The following POR variants were observed in gnomAD, a reference collection of about 807,000 sequenced individuals.
The protein encoded by POR is cytochrome p450 oxidoreductase.
POR carries 56 observed loss-of-function variants against 84.0 expected under a neutral mutation model. The ratio of observed to expected loss-of-function variants is 0.67; its 90% CI spans 0.54 to 0.83. The LOEUF (loss-of-function observed/expected upper bound fraction) is 0.83. POR is among the 40% of genes least tolerant of loss of function. The pLI, the probability that POR is intolerant of heterozygous loss-of-function variation, is 0.00. For synonymous variants in POR, 414 were observed against 400.5 expected (o/e 1.03, Z -0.40); for missense variants, 938 against 944.3 (o/e 0.99, Z 0.09).
chr7:75,952,981 T>TGGA (rs1787515550), intron 1 of POR, among the ~76,000 whole-genome samples: 2 of 149,814 alleles, frequency 1.3e-5, no homozygotes, highest in Admixed American at 1.3e-4. Flanking sequence ...GGCTGGGAGG[T>TGGA]GGTTGTAGCG....
At chr7:75,969,974 A>G (rs1469387697) in intron 2 of POR, among the ~76,000 whole-genome samples, 1 of 152,184 alleles carries the variant, frequency 6.6e-6, no homozygotes, top group Non-Finnish European at 1.5e-5. Flanking sequence ...CGTGAGGGGC[A>G]GGGACGGCCT....
chr7:75,938,111 C>G (rs1246571629), intron 1 of POR, among the ~76,000 whole-genome samples: 3 of 152,212 alleles, frequency 2.0e-5, no homozygotes, highest in Non-Finnish European at 2.9e-5. Context: ...CCCAGTCACG[C>G]TTGCACAGAT....
chr7:75,984,442 C>T (rs922033571), intron 10 of POR, among the ~76,000 whole-genome samples: 5 of 152,210 alleles, frequency 3.3e-5, no homozygotes, highest in African/African-American at 1.2e-4. Context: ...CCCTTACTGT[C>T]GGCTTCCACA....
At chr7:75,946,871 CG>C (rs1216319821) in intron 1 of POR, 1 of 152,146 alleles carries the variant, frequency 6.6e-6, no homozygotes, top group Admixed American at 6.5e-5. Flanking sequence ...CTGCCTGACC[CG>C]GAAGAGAGTT....
rs2116216844 is a variant in POR, at chr7:75,923,058, G to T, written c.-5+7879G>T. On this transcript the variant is annotated intron_variant, in intron 1 of 15. Transcript: ENST00000461988. ...AAAGGATTGATGGTGTGAGTTTACT[G>T]GTGCGGAGAGCCATTGCAAGACTTA... The T allele has an allele frequency of 5.9e-6, 4 of 683,144 alleles. 1 individual carries two copies. The highest frequency in any genetic ancestry group is 3.1e-5 in the South Asian group (2 of 63,728). 42.3% of individuals were successfully genotyped at this position (683,144 alleles called of 1,614,324 possible). A position where few individuals can be genotyped will look rare whatever the true frequency, so the allele number is the denominator to read the frequency against.
rs72557913 is a variant in POR at position 75,981,062 on chromosome 7, G to C, written c.531G>C (p.Gly177=). ...TGTCCACGCAGGTGTTTGGTCTTGG[G>C]AACAAGACCTACGAGCACTTCAATG... The change falls in exon 6 of 16, where the codon GGG becomes GGC. Residue 177 remains glycine (G), a synonymous_variant. Coordinates refer to ENST00000461988, the MANE Select transcript of POR (RefSeq NM_000941.3). 2.5e-6 allele frequency: 4 copies of C among 1,576,126 alleles called. No homozygotes were observed. The South Asian group carries it at 3.5e-5, about 14-fold the overall frequency.
intron 2 of POR, among the ~76,000 whole-genome samples, chr7:75,960,197 G>A (rs1340353623): frequency 1.3e-5 from 2 of 152,014 alleles, no homozygotes; most frequent in Non-Finnish European, 2.9e-5. Flanking sequence ...AGGCTGAGGT[G>A]AGAGGATCAC....
chr7:75,952,512 C>T (rs782488368), intron 1 of POR, among the ~76,000 whole-genome samples: 10 of 152,072 alleles, frequency 6.6e-5, no homozygotes, highest in Non-Finnish European at 1.3e-4. Flanking sequence ...GGAGACGCTC[C>T]TCACTTCCCA....
At chr7:75,915,207 G>A (rs887877274) in intron 1 of POR, 28 bp downstream of exon 1, 9 of 154,420 alleles carry the variant, frequency 5.8e-5, no homozygotes, top group African/African-American at 1.9e-4. Context: ...CGGCGACGGC[G>A]GGGTGGGTGA....
In POR at chr7:75,983,585, C is replaced by A; in HGVS notation, c.896C>A (p.Thr299Asn). The change falls in exon 9 of 16, where the codon ACC becomes AAC. Residue 299 changes from threonine (T) to asparagine (N), a missense_variant. Physicochemically the swap from Thr to Asn is moderately conservative, Grantham distance 65 (BLOSUM62 0). Transcript: ENST00000461988. Reference sequence around the variant, plus strand: ...ACCAACCGGAAGCTGAACCAGGGAACCGAGCGCCACCTCATGCACCTGGAA... The same window carrying A: ...ACCAACCGGAAGCTGAACCAGGGAAACGAGCGCCACCTCATGCACCTGGAA... 1 of 1,613,140 alleles carries A rather than the reference C, an allele frequency of 6.2e-7. No individual in the cohort carries two copies. Among genetic ancestry groups the A allele is most frequent in the Admixed American group, 1.7e-5 (1 of 60,016 alleles).
chr7:75,940,751 T>G (rs554824823), intron 1 of POR, among the ~76,000 whole-genome samples: 39 of 149,940 alleles, frequency 2.6e-4, no homozygotes, highest in Non-Finnish European at 4.9e-4. Context: ...GCCACTGTAC[T>G]CCAGCCTGGA....
chr7:75,941,783 G>C (rs1423216085), intron 1 of POR, among the ~76,000 whole-genome samples: 1 of 152,174 alleles, frequency 6.6e-6, no homozygotes, highest in African/African-American at 2.4e-5. Flanking sequence ...TTTGAGACCA[G>C]CCTGGGCAAC....
intron 2 of POR, among the ~76,000 whole-genome samples, chr7:75,954,665 G>C (rs913406875): frequency 6.6e-6 from 1 of 151,256 alleles, no homozygotes; most frequent in Non-Finnish European, 1.5e-5. Context: ...TCAGCCTCCC[G>C]AGTAGCTGGG....
chr7:75,960,345 A>G (rs1787884401), intron 2 of POR, among the ~76,000 whole-genome samples: 1 of 151,446 alleles, frequency 6.6e-6, no homozygotes, highest in African/African-American at 2.4e-5. Context: ...TTTCACGTCC[A>G]CTCCCACTCA....
intron 2 of POR, among the ~76,000 whole-genome samples, chr7:75,966,326 T>C (rs1788181176): frequency 6.6e-6 from 1 of 152,094 alleles, no homozygotes; most frequent in African/African-American, 2.4e-5. Flanking sequence ...CTGGCTTCTG[T>C]CTGAGCTCCA....
chr7:75,973,988 T>A (rs1171341924), intron 3 of POR, among the ~76,000 whole-genome samples: 1 of 148,800 alleles, frequency 6.7e-6, no homozygotes, highest in Non-Finnish European at 1.5e-5. Context: ...GACCTTGCTT[T>A]AAAAAAAAAA....
chr7:75,982,253 C>T lies in POR; in HGVS notation c.761C>T (p.Thr254Ile). 1 of 1,612,662 alleles carries T rather than the reference C, an allele frequency of 6.2e-7. No individual in the cohort carries two copies. Among genetic ancestry groups the T allele is most frequent in the Non-Finnish European group, 8.5e-7 (1 of 1,179,506 alleles). ...CGCCAGTACGAGCTTGTGGTCCACA[C>T]CGACATAGATGCGGCCAAGGTGTAC... Residue 254 changes from threonine (T) to isoleucine (I), a missense_variant, in exon 8 of 16, where the codon ACC becomes ATC. Coordinates refer to ENST00000461988, the MANE Select transcript of POR (RefSeq NM_000941.3).
chr7:75,926,418 G>A (rs986844067), intron 1 of POR, among the ~76,000 whole-genome samples: 4 of 152,314 alleles, frequency 2.6e-5, no homozygotes, highest in Admixed American at 2.6e-4. Flanking sequence ...ACTCCTGGCT[G>A]AAGGGCCAGT....
intron 2 of POR, among the ~76,000 whole-genome samples, chr7:75,954,862 C>T (rs540223091): frequency 6.6e-6 from 1 of 152,202 alleles, no homozygotes; most frequent in African/African-American, 2.4e-5. Context: ...TGCCCGCCAC[C>T]ACGCCTGGCT....
Sources: allele counts gnomAD v4.1 joint callset (sites outside exome capture counted in the v4.1 genomes callset), GRCh38; gene constraint gnomAD v4.1.1; transcripts MANE v1.5; gene names NCBI Gene and HGNC (gene_info 2026-07-23, HGNC 2026-07-21).